The following SNX14 variants were observed in gnomAD, a reference collection of about 807,000 sequenced individuals.
The protein encoded by SNX14 is sorting nexin-14.
A neutral mutation model predicts 133.8 loss-of-function variants in SNX14; 93 were observed. That is an observed-to-expected ratio of 0.70 (90% CI 0.59 to 0.83). The LOEUF (loss-of-function observed/expected upper bound fraction) is 0.83, where lower values mean the gene tolerates loss of function less well. SNX14 is among the 40% of genes least tolerant of loss of function. The pLI, the probability that SNX14 is intolerant of heterozygous loss-of-function variation, is 0.00. For synonymous variants in SNX14, 368 were observed against 365.6 expected (o/e 1.01, Z -0.07); for missense variants, 945 against 1,094.9 (o/e 0.86, Z 1.93).
At chr6:85,564,733 T>C (rs185215138) in intron 6 of SNX14, among the ~76,000 whole-genome samples, 42 of 152,304 alleles carry the variant, frequency 2.8e-4, no homozygotes, top group African/African-American at 9.9e-4. Flanking sequence ...CTCACACCTG[T>C]AATCCTAGCA....
intron 1 of SNX14, chr6:85,581,126 A>G (rs180907350): frequency 1.3e-5 from 2 of 152,568 alleles, no homozygotes; most frequent in Admixed American, 1.3e-4. Context: ...CCCCAGCTCC[A>G]GGAAGCTCAG....
intron 25 of SNX14, 56 bp downstream of exon 25, chr6:85,514,014 C>G: frequency 6.4e-7 from 1 of 1,568,000 alleles, no homozygotes; most frequent in Non-Finnish European, 8.6e-7. Flanking sequence ...TCTTTAGATT[C>G]AATTAAAATC....
chr6:85,575,164 T>C (rs1796904058), intron 1 of SNX14, among the ~76,000 whole-genome samples: 1 of 152,126 alleles, frequency 6.6e-6, no homozygotes, highest in Admixed American at 6.5e-5. Flanking sequence ...AGCCAAATAA[T>C]ATAGTGTGAT....
intron 18 of SNX14, among the ~76,000 whole-genome samples, chr6:85,531,343 CT>C (rs1486389603): frequency 1.3e-5 from 2 of 152,168 alleles, no homozygotes; most frequent in East Asian, 3.8e-4. Flanking sequence ...ACATAAAGCA[CT>C]TCTGTACAGT....
chr6:85,506,084 A>G, intron 28 of SNX14, 79 bp from the exon 29 acceptor site: 1 of 915,246 alleles, frequency 1.1e-6, no homozygotes, highest in Non-Finnish European at 1.8e-6. Flanking sequence ...CTAGTGTATT[A>G]AAATTCTAAC....
At chr6:85,570,683 T>C (rs1347966240) in intron 4 of SNX14, among the ~76,000 whole-genome samples, 1 of 151,862 alleles carries the variant, frequency 6.6e-6, no homozygotes, top group East Asian at 1.9e-4. Context: ...TGAAACCCTG[T>C]CTCTACTAAA....
intron 1 of SNX14, 33 bp downstream of exon 1, chr6:85,593,546 A>G (rs1803628472): frequency 1.9e-6 from 3 of 1,585,778 alleles, no homozygotes; most frequent in African/African-American, 1.3e-5. Context: ...TTCGGAGAAA[A>G]GCCGCCGCCC....
chr6:85,536,447 C>G (rs954110580), intron 17 of SNX14, among the ~76,000 whole-genome samples: 5 of 152,078 alleles, frequency 3.3e-5, no homozygotes, highest in African/African-American at 1.2e-4. Context: ...CTCTGTATAC[C>G]TGGAGTACAT....
intron 1 of SNX14, chr6:85,588,866 TAAGTGG>T (rs1801898278): frequency 2.2e-6 from 1 of 454,592 alleles, no homozygotes; most frequent in South Asian, 1.6e-5. Flanking sequence ...TATTTACTAT[TAAGTGG>T]AAGTGGATTA....
chr6:85,528,431 T>TA (rs1458084844), intron 19 of SNX14, 69 bp from the exon 20 acceptor site: 2 of 1,177,882 alleles, frequency 1.7e-6, no homozygotes, highest in Non-Finnish European at 2.4e-6. Flanking sequence ...AATTAGGTTT[T>TA]AAAATTTACT....
At chr6:85,535,815 C>G (rs1781785806) in intron 17 of SNX14, among the ~76,000 whole-genome samples, 1 of 151,970 alleles carries the variant, frequency 6.6e-6, no homozygotes, top group Admixed American at 6.6e-5. Context: ...CCTGTCACCC[C>G]ACCTTTCCTC....
At chr6:85,543,032 T>C in intron 14 of SNX14, 150 bp downstream of exon 14, 1 of 721,566 alleles carries the variant, frequency 1.4e-6, no homozygotes, top group Non-Finnish European at 2.0e-6. Flanking sequence ...CCTTCCAAAG[T>C]GCTGGGATTA....
intron 6 of SNX14, among the ~76,000 whole-genome samples, chr6:85,558,357 C>T (rs987946233): frequency 2.0e-5 from 3 of 152,184 alleles, no homozygotes; most frequent in African/African-American, 7.2e-5. Context: ...TCAAGGAAAA[C>T]TCCAGTAACT....
chr6:85,591,219 T>C (rs1008004107), intron 1 of SNX14, among the ~76,000 whole-genome samples: 1 of 103,394 alleles, frequency 9.7e-6, no homozygotes, highest in Non-Finnish European at 1.9e-5. Flanking sequence ...ACTCTTATCA[T>C]CTGTGTGTGT....
chr6:85,539,785 G>T (rs1349969410), intron 15 of SNX14, among the ~76,000 whole-genome samples: 1 of 151,712 alleles, frequency 6.6e-6, no homozygotes, highest in Non-Finnish European at 1.5e-5. Flanking sequence ...AGAATGAAAA[G>T]AACCCATATA....
At chr6:85,529,366 G>A (rs576106251) in intron 19 of SNX14, among the ~76,000 whole-genome samples, 181 of 151,088 alleles carry the variant, frequency 1.2e-3, no homozygotes, top group Non-Finnish European at 2.0e-3. Flanking sequence ...AAGAAAGGAA[G>A]GAAACAAGGA....
chr6:85,520,249 G>T (rs1776433538), intron 21 of SNX14, among the ~76,000 whole-genome samples: 1 of 151,450 alleles, frequency 6.6e-6, no homozygotes, highest in Non-Finnish European at 1.5e-5. Context: ...CACCATGTTG[G>T]CCAGGCTGGT....
At chr6:85,556,092 T>G (rs1309297416) in intron 7 of SNX14, among the ~76,000 whole-genome samples, 1 of 152,190 alleles carries the variant, frequency 6.6e-6, no homozygotes, top group African/African-American at 2.4e-5. Flanking sequence ...TCAAGTAATG[T>G]AAGATGTTAA....
intron 18 of SNX14, among the ~76,000 whole-genome samples, chr6:85,530,594 G>A (rs941686579): frequency 6.7e-6 from 1 of 149,916 alleles, no homozygotes; most frequent in African/African-American, 2.5e-5. Flanking sequence ...GCAGCGAGCC[G>A]AGATTGCGCC....
Sources: allele counts gnomAD v4.1 joint callset (sites outside exome capture counted in the v4.1 genomes callset), GRCh38; gene constraint gnomAD v4.1.1; transcripts MANE v1.5; gene names NCBI Gene and HGNC (gene_info 2026-07-23, HGNC 2026-07-21).